NCAM1: variants seen among roughly 807,000 people sequenced by gnomAD.
NCAM1 encodes the protein neural cell adhesion molecule 1.
NCAM1 carries 14 observed loss-of-function variants against 109.8 expected under a neutral mutation model. That is an observed-to-expected ratio of 0.13 (90% confidence interval 0.08 to 0.20). The LOEUF (loss-of-function observed/expected upper bound fraction) is 0.20, where lower values mean the gene tolerates loss of function less well. Among genes scored for constraint, NCAM1 ranks in the 10% least tolerant of loss-of-function variants. The probability of loss-of-function intolerance (pLI) is 1.00; values close to 1 mark genes in which losing one functional copy is unlikely to be tolerated. For missense variants in NCAM1, 774 were observed against 1,109.9 expected, an observed-to-expected ratio of 0.70 and a Z score of 4.30; for synonymous variants, 418 against 442.9, an observed-to-expected ratio of 0.94 and a Z score of 0.70.
intron 1 of NCAM1, among the ~76,000 whole-genome samples, chr11:113,128,005 G>A (rs1231375293): frequency 6.6e-6 from 1 of 152,184 alleles, no homozygotes; most frequent in Non-Finnish European, 1.5e-5. Context: ...ACTCCCTGTG[G>A]CATGCTCACC....
intron 1 of NCAM1, among the ~76,000 whole-genome samples, chr11:113,194,058 C>T (rs192177428): frequency 1.1e-4 from 16 of 152,118 alleles, no homozygotes; most frequent in African/African-American, 3.4e-4. Context: ...GAAGCCAGCC[C>T]CCATGGAACA....
chr11:113,010,493 G>A (rs17114673), intron 1 of NCAM1, among the ~76,000 whole-genome samples: 18,493 of 152,076 alleles, frequency 0.12, 1,225 homozygotes, highest in East Asian at 0.32. Flanking sequence ...CACCTCACCT[G>A]TTATTTATGA....
At chr11:113,102,746 T>C (rs1053733488) in intron 1 of NCAM1, among the ~76,000 whole-genome samples, 2 of 152,218 alleles carry the variant, frequency 1.3e-5, no homozygotes, top group Non-Finnish European at 2.9e-5. Context: ...AAAGGAGCCA[T>C]GGAAAGCTGA....
intron 1 of NCAM1, among the ~76,000 whole-genome samples, chr11:113,050,110 T>G (rs1953416017): frequency 3.1e-5 from 2 of 64,870 alleles, no homozygotes; most frequent in Admixed American, 2.2e-4. Context: ...TGAGAACGCA[T>G]GGTGTGGGGT....
Position 113,107,144 on chromosome 11 carries a change from C to T in NCAM1, c.53-95235C>T, listed in dbSNP as rs1326045747. Among the ~76,000 whole-genome samples the T allele has an allele frequency of 7.9e-5, 12 of 152,248 alleles. 1 individual carries two copies. The highest frequency in any genetic ancestry group is 7.2e-4 in the Admixed American group (11 of 15,294). ...CTCAGACCAGTAGAAGACAGAAATA[C>T]TTGGGAGAGTGTGGTTATATGGTGT... On this transcript the variant is annotated intron_variant, in intron 1 of 19. Transcript: ENST00000316851.
intron 9 of NCAM1, among the ~76,000 whole-genome samples, chr11:113,226,655 T>A (rs1178460974): frequency 1.3e-5 from 2 of 152,170 alleles, no homozygotes; most frequent in African/African-American, 4.8e-5. Context: ...CCGCACTTGT[T>A]CCAAAATTGA....
At chr11:113,075,531 T>C (rs1938491541) in intron 1 of NCAM1, among the ~76,000 whole-genome samples, 1 of 152,204 alleles carries the variant, frequency 6.6e-6, no homozygotes. Context: ...AACTCAGCTA[T>C]TGATTTCCTT....
intron 2 of NCAM1, 43 bp downstream of exon 2, chr11:113,202,496 AAACT>A: frequency 6.4e-7 from 1 of 1,557,096 alleles, no homozygotes; most frequent in Non-Finnish European, 8.7e-7. Context: ...CTTGCTTCAG[AAACT>A]CACTGGGTAG....
intron 17 of NCAM1, 23 bp from the exon 18 acceptor site, chr11:113,270,165 C>T (rs781824419): frequency 1.9e-5 from 30 of 1,612,480 alleles, no homozygotes; most frequent in Admixed American, 3.3e-5. Context: ...TGTTAACCAC[C>T]AGCCATCTCT....
intron 1 of NCAM1, among the ~76,000 whole-genome samples, chr11:113,148,994 T>C (rs1221431952): frequency 6.6e-6 from 1 of 152,204 alleles, no homozygotes; most frequent in African/African-American, 2.4e-5. Flanking sequence ...AGCTACTCTC[T>C]AAAAGGATCT....
intron 1 of NCAM1, among the ~76,000 whole-genome samples, chr11:113,114,790 CT>C (rs1940620502): frequency 6.6e-6 from 1 of 152,234 alleles, no homozygotes; most frequent in African/African-American, 2.4e-5. Context: ...TATTCTGTGA[CT>C]GCCCAAGGCT....
chr11:113,231,069 T>G, intron 9 of NCAM1: 1 of 894,856 alleles, frequency 1.1e-6, no homozygotes, highest in Non-Finnish European at 1.7e-6. Flanking sequence ...CTCCTGATCT[T>G]TGAGTTGTTT....
chr11:113,273,258 A>T lies in NCAM1; in HGVS notation c.2456+1382A>T. ...CCCTGCCGCTAGCAATTTGTCTTCTAGTGTCCTGGCTAACCAAGGGGCTGT... is the reference window on the plus strand; with the variant it reads ...CCCTGCCGCTAGCAATTTGTCTTCTTGTGTCCTGGCTAACCAAGGGGCTGT... On this transcript the variant is annotated intron_variant, in intron 19 of 19. Coordinates refer to ENST00000316851, the MANE Select transcript of NCAM1 (RefSeq NM_181351.5). The surrounding 1 kb of genome is among the most constrained non-coding windows in gnomAD (Gnocchi z 6.0). The T allele has an allele frequency of 2.8e-6, 1 of 353,890 alleles. No homozygotes were observed. The highest frequency in any genetic ancestry group is 5.5e-6 in the Non-Finnish European group (1 of 181,812). The allele number at this position is 353,890 out of a possible 1,614,324, so 21.9% of individuals were successfully genotyped here.
At chr11:113,099,455 C>A (rs1159468832) in intron 1 of NCAM1, among the ~76,000 whole-genome samples, 1 of 152,168 alleles carries the variant, frequency 6.6e-6, no homozygotes, top group East Asian at 1.9e-4. Context: ...TCGCCATATG[C>A]TTTCCTGGAC....
In NCAM1 at chr11:113,117,089, AAT is replaced by A. The variant is rs567926425; in HGVS notation, c.53-85287_53-85286del. Among the ~76,000 whole-genome samples, 668 of 152,048 alleles carry A rather than the reference AAT, an allele frequency of 4.4e-3. 5 individuals are homozygous for A. The highest frequency in any genetic ancestry group is 5.1e-3 in the Non-Finnish European group (346 of 68,010). ...GGCCTTCAATATTTCATGTGCCAAG[AAT>A]ATGTTACAAAATTGGGGCAGCATTA... On this transcript the variant is annotated intron_variant, in intron 1 of 19. Coordinates refer to ENST00000316851, the MANE Select transcript of NCAM1 (RefSeq NM_181351.5).
chr11:113,208,105 C>T, intron 7 of NCAM1, 103 bp downstream of exon 7: 3 of 1,296,110 alleles, frequency 2.3e-6, no homozygotes, highest in South Asian at 1.4e-5. Context: ...CAGAACATAA[C>T]CCAATGCAAC....
chr11:113,063,045 GC>G (rs781884189), intron 1 of NCAM1, among the ~76,000 whole-genome samples: 2 of 152,168 alleles, frequency 1.3e-5, no homozygotes, highest in Non-Finnish European at 2.9e-5. Context: ...ATTTGCAAAG[GC>G]CCCAATGTCA....
At chr11:113,182,199 C>G (rs1389599031) in intron 1 of NCAM1, among the ~76,000 whole-genome samples, 1 of 152,132 alleles carries the variant, frequency 6.6e-6, no homozygotes, top group African/African-American at 2.4e-5. Context: ...GAAGTAAAAG[C>G]CTTGATAGAA....
intron 1 of NCAM1, among the ~76,000 whole-genome samples, chr11:113,053,018 C>T (rs781828340): frequency 2.0e-5 from 3 of 151,848 alleles, no homozygotes; most frequent in Admixed American, 6.6e-5. Context: ...TAGGTCTTTG[C>T]GTTAAAACTC....
Sources: gnomAD v4.1 joint callset for allele counts (sites outside exome capture counted in the v4.1 genomes callset) on GRCh38, gnomAD v4.1.1 for gene constraint, Gnocchi (gnomAD v3.1) non-coding constraint, MANE v1.5 for transcripts, NCBI Gene and HGNC (gene_info 2026-07-23, HGNC 2026-07-21) for gene names.